The following PHLPP1 variants were observed in gnomAD, a reference collection of about 807,000 sequenced individuals.
PHLPP1 encodes the protein PH domain and leucine rich repeat protein phosphatase 1.
In PHLPP1, 42 loss-of-function variants were observed where a neutral mutation model predicts 117.2. That is an observed-to-expected ratio of 0.36 (90% CI 0.28 to 0.46). The LOEUF (loss-of-function observed/expected upper bound fraction) is 0.46, where lower values mean the gene tolerates loss of function less well. Among genes scored for constraint, PHLPP1 ranks in the 20% least tolerant of loss-of-function variants. PHLPP1 has a pLI of 1.00. For missense variants in PHLPP1, 2,084 were observed against 2,241.9 expected, an observed-to-expected ratio of 0.93 and a Z score of 1.42; for synonymous variants, 1,042 against 970.7, an observed-to-expected ratio of 1.07 and a Z score of -1.37.
intron 4 of PHLPP1, among the ~76,000 whole-genome samples, chr18:62,862,064 A>G (rs1411454866): frequency 6.6e-6 from 1 of 152,028 alleles, no homozygotes; most frequent in Non-Finnish European, 1.5e-5. Flanking sequence ...ACATTTGTTA[A>G]TATCACCACT....
At chr18:62,778,949 A>G (rs1415494061) in intron 1 of PHLPP1, among the ~76,000 whole-genome samples, 1 of 152,248 alleles carries the variant, frequency 6.6e-6, no homozygotes, top group African/African-American at 2.4e-5. Flanking sequence ...TATATTGTTA[A>G]TTCAGGGAAT....
intron 2 of PHLPP1, among the ~76,000 whole-genome samples, chr18:62,834,006 A>G (rs898510686): frequency 1.3e-5 from 2 of 152,206 alleles, no homozygotes; most frequent in Non-Finnish European, 2.9e-5. Flanking sequence ...TAATATAAGC[A>G]TAAGTAATGC....
intron 3 of PHLPP1, among the ~76,000 whole-genome samples, chr18:62,853,358 T>TC (rs1915409240): frequency 6.6e-6 from 1 of 151,974 alleles, no homozygotes; most frequent in South Asian, 2.1e-4. Context: ...TTTTCTTTTT[T>TC]TTTTTTGTTC....
intron 10 of PHLPP1, among the ~76,000 whole-genome samples, chr18:62,935,501 A>T (rs1909942958): frequency 6.6e-6 from 1 of 152,242 alleles, no homozygotes; most frequent in Admixed American, 6.5e-5. Flanking sequence ...TGCTTTTATG[A>T]TCAAGTTAGA....
intron 1 of PHLPP1, among the ~76,000 whole-genome samples, chr18:62,795,791 T>A (rs1314431669): frequency 6.6e-6 from 1 of 152,210 alleles, no homozygotes; most frequent in African/African-American, 2.4e-5. Flanking sequence ...CCACTCAATT[T>A]CACCTTCTAA....
At chr18:62,795,513 A>C (rs1913605769) in intron 1 of PHLPP1, among the ~76,000 whole-genome samples, 3 of 146,630 alleles carry the variant, frequency 2.0e-5, no homozygotes, top group Non-Finnish European at 4.5e-5. Context: ...AAAAAAAAAA[A>C]CAACAACAAA....
intron 12 of PHLPP1, among the ~76,000 whole-genome samples, chr18:62,958,134 C>G (rs1910671312): frequency 6.6e-6 from 1 of 152,220 alleles, no homozygotes; most frequent in African/African-American, 2.4e-5. Flanking sequence ...GTTGGCCAGG[C>G]TGGTCTCAAA....
At chr18:62,798,892 G>A (rs1913698698) in intron 1 of PHLPP1, among the ~76,000 whole-genome samples, 1 of 151,788 alleles carries the variant, frequency 6.6e-6, no homozygotes, top group Non-Finnish European at 1.5e-5. Context: ...AAAAGAATGG[G>A]CATGTTTAAA....
chr18:62,835,677 A>G (rs886803192), intron 2 of PHLPP1, among the ~76,000 whole-genome samples: 1 of 151,868 alleles, frequency 6.6e-6, no homozygotes, highest in Non-Finnish European at 1.5e-5. Context: ...CTGTGGGGTT[A>G]ATAGTATGGG....
Position 62,815,564 on chromosome 18 carries a change from C to T in PHLPP1, c.1577-14471C>T, listed in dbSNP as rs556211405. On this transcript the variant is annotated intron_variant, in intron 1 of 16. Coordinates refer to ENST00000262719, the MANE Select transcript of PHLPP1 (RefSeq NM_194449.4). ...CAGTTCCTCACCTTGTTGGCCTTTT[C>T]AAAGGATTGTATGAGTATCCTCACG... Among the ~76,000 whole-genome samples, 68 of 152,304 alleles carry T rather than the reference C, an allele frequency of 4.5e-4. No individual in the cohort carries two copies. In the Middle Eastern group the frequency reaches 0.01, roughly 23 times the overall value.
chr18:62,717,004 G>A lies in PHLPP1; in HGVS notation c.1321G>A (p.Ala441Thr), dbSNP rs1246184118. 50 of 1,543,398 alleles carry A rather than the reference G, an allele frequency of 3.2e-5. No homozygotes were observed. Among genetic ancestry groups the A allele is most frequent in the Non-Finnish European group, 3.5e-5 (40 of 1,145,952 alleles). Residue 441 changes from alanine (A) to threonine (T), a missense_variant, in exon 1 of 17, where the codon GCA becomes ACA. This residue lies in a region of PHLPP1 where 719 missense variants were observed against 636.0 expected (regional missense o/e 1.13). Coordinates refer to ENST00000262719, the MANE Select transcript of PHLPP1 (RefSeq NM_194449.4). The stretch of plus-strand genomic sequence containing the variant: ...GGGGTCGTGCGAGGAGAAGGCAGCG[G>A]CAGCCGTGGCCCCGGGAGGCCTCCA... The part of the protein sequence containing the change: ...REGSCEEKAA[A>T]AVAPGGLQST...
chr18:62,727,603 G>A (rs536293978), intron 1 of PHLPP1, among the ~76,000 whole-genome samples: 2 of 146,918 alleles, frequency 1.4e-5, no homozygotes, highest in African/African-American at 5.0e-5. Context: ...GTGACAGAGC[G>A]AGACCCTGTC....
chr18:62,870,947 TTTTGGTGGTGTTGATGGTTTCTTTCC>T (rs1360125648), intron 4 of PHLPP1, among the ~76,000 whole-genome samples: 14 of 152,142 alleles, frequency 9.2e-5, no homozygotes. Flanking sequence ...TCAGGGTAAT[TTTTGGTGGTGTTGATGGTTTCTTTCC>T]TTATTATATG....
chr18:62,835,337 G>A (rs549896633), intron 2 of PHLPP1, among the ~76,000 whole-genome samples: 5 of 151,864 alleles, frequency 3.3e-5, no homozygotes, highest in African/African-American at 1.2e-4. Flanking sequence ...CCGAGTAGCT[G>A]GGACTACAGG....
chr18:62,963,749 AG>A (rs1238873342), intron 14 of PHLPP1, among the ~76,000 whole-genome samples: 1 of 152,206 alleles, frequency 6.6e-6, no homozygotes, highest in Non-Finnish European at 1.5e-5. Context: ...TGTTTAGAAA[AG>A]GCCTAAGTAT....
chr18:62,849,112 T>C (rs1251709837), intron 3 of PHLPP1, among the ~76,000 whole-genome samples: 4 of 152,246 alleles, frequency 2.6e-5, no homozygotes, highest in African/African-American at 9.6e-5. Flanking sequence ...ATAGTCACTC[T>C]ACATTGCTCA....
At chr18:62,919,067 C>T (rs971723318) in intron 9 of PHLPP1, among the ~76,000 whole-genome samples, 2 of 152,136 alleles carry the variant, frequency 1.3e-5, no homozygotes, top group Non-Finnish European at 2.9e-5. Flanking sequence ...CATTCTTTGA[C>T]AGCAGATTAA....
chr18:62,817,573 A>T (rs1197586470), intron 1 of PHLPP1, among the ~76,000 whole-genome samples: 1 of 148,676 alleles, frequency 6.7e-6, no homozygotes, highest in Non-Finnish European at 1.5e-5. Flanking sequence ...ATACAGAATT[A>T]AAAAAAAAAC....
At chr18:62,876,500 C>G (rs1401801690) in intron 4 of PHLPP1, among the ~76,000 whole-genome samples, 1 of 152,148 alleles carries the variant, frequency 6.6e-6, no homozygotes, top group Non-Finnish European at 1.5e-5. Flanking sequence ...TAGTAAGCAT[C>G]TAAAAATTTC....
Sources: gnomAD v4.1 joint callset for allele counts (sites outside exome capture counted in the v4.1 genomes callset) on GRCh38, gnomAD v4.1.1 for gene constraint, gnomAD v4.1.1 regional missense constraint, MANE v1.5 for transcripts, NCBI Gene and HGNC (gene_info 2026-07-23, HGNC 2026-07-21) for gene names.